The following CDCA4 variants were observed in gnomAD, a reference collection of about 807,000 sequenced individuals.
The protein encoded by CDCA4 is cell division cycle associated 4.
For missense variants in CDCA4, 294 were observed against 322.1 expected (o/e 0.91, Z 0.67); for synonymous variants, 130 against 137.0 (o/e 0.95, Z 0.36).
chr14:105,011,092 T>C lies in CDCA4; in HGVS notation c.*112A>G, dbSNP rs1900485419. The C allele has an allele frequency of 7.8e-7, 1 of 1,281,714 alleles. No homozygotes were observed. Among genetic ancestry groups the C allele is most frequent in the East Asian group, 2.5e-5 (1 of 39,682 alleles). The allele number at this position is 1,281,714 out of a possible 1,614,324, so 79.4% of individuals were successfully genotyped here. On this transcript the variant is annotated 3_prime_UTR_variant, in exon 2 of 2. Transcript: ENST00000336219. ...TGGGCTGTTCTGGGATTTCTCAGAA[T>C]CAGCAGACAGGGCAGCAAGGCTGGG...
chr14:105,011,723 G>T lies in CDCA4; in HGVS notation c.207C>A (p.Ile69=), dbSNP rs1436701594. Residue 69 remains isoleucine, a synonymous_variant, in exon 2 of 2, where the codon ATC becomes ATA. Transcript: ENST00000336219. ...SVLIANTVRQ[I]QEEMTQDGTW... Reference sequence around the variant, plus strand: ...TCCCATCCTGCGTCATCTCCTCTTGGATCTGCCGGACCGTGTTGGCAATGA... The same window carrying T: ...TCCCATCCTGCGTCATCTCCTCTTGTATCTGCCGGACCGTGTTGGCAATGA... 1 of 1,613,678 alleles carries T rather than the reference G, an allele frequency of 6.2e-7. No individual in the cohort carries two copies. Among genetic ancestry groups the T allele is most frequent in the Admixed American group, 1.7e-5 (1 of 60,012 alleles).
intron 1 of CDCA4, among the ~76,000 whole-genome samples, chr14:105,012,595 T>C (rs1291167268): frequency 6.6e-6 from 1 of 152,228 alleles, no homozygotes; most frequent in African/African-American, 2.4e-5. Flanking sequence ...GCTCATCCCA[T>C]GCAGCGAGTG....
Position 105,011,085 on chromosome 14 carries a change from C to T in CDCA4, c.*119G>A. 2 of 1,248,930 alleles carry T rather than the reference C, an allele frequency of 1.6e-6. No individual in the cohort carries two copies. Among genetic ancestry groups the T allele is most frequent in the Non-Finnish European group, 2.2e-6 (2 of 922,090 alleles). The allele number at this position is 1,248,930 out of a possible 1,614,324, so 77.4% of individuals were successfully genotyped here. On this transcript the variant is annotated 3_prime_UTR_variant, in exon 2 of 2. Coordinates refer to ENST00000336219, the MANE Select transcript of CDCA4 (RefSeq NM_017955.4). ...CTGGTAATGGGCTGTTCTGGGATTT[C>T]TCAGAATCAGCAGACAGGGCAGCAA...
Position 105,011,324 on chromosome 14 carries a change from G to T in CDCA4, c.606C>A (p.Ala202=), listed in dbSNP as rs573618920. Residue 202 remains alanine (A), a synonymous_variant, in exon 2 of 2, where the codon GCC becomes GCA. Coordinates refer to ENST00000336219, the MANE Select transcript of CDCA4 (RefSeq NM_017955.4). ...DTVLTGMMGG[A]RPGPCEGLEG... The stretch of plus-strand genomic sequence containing the variant: ...CGAGCCCTTCGCAGGGGCCCGGCCT[G>T]GCACCCCCCATCATGCCTGTCAGTA... 27 of 1,614,154 alleles carry T rather than the reference G, an allele frequency of 1.7e-5. 1 individual carries two copies. The South Asian group carries it at 2.5e-4, about 15-fold the overall frequency.
rs757989283 is a variant in CDCA4, at chr14:105,011,286, G to A, written c.644C>T (p.Pro215Leu). Reference protein sequence around the residue: ...GPCEGLEGLAPATPGPSSSCK... With the variant: ...GPCEGLEGLALATPGPSSSCK... Reference sequence around the variant, plus strand: ...GCTGGAGCTAGGGCCTGGGGTGGCCGGAGCCAAGCCCTCGAGCCCTTCGCA... The same window carrying A: ...GCTGGAGCTAGGGCCTGGGGTGGCCAGAGCCAAGCCCTCGAGCCCTTCGCA... Residue 215 changes from proline (P) to leucine (L), a missense_variant, in exon 2 of 2, where the codon CCG becomes CTG. Transcript: ENST00000336219. 16 of 1,613,684 alleles carry A rather than the reference G, an allele frequency of 9.9e-6. No individual in the cohort carries two copies. Among genetic ancestry groups the A allele is most frequent in the East Asian group, 4.5e-5 (2 of 44,866 alleles).
chr14:105,016,190 T>C (rs1194807836), intron 1 of CDCA4, among the ~76,000 whole-genome samples: 3 of 152,148 alleles, frequency 2.0e-5, no homozygotes, highest in South Asian at 2.1e-4. Flanking sequence ...CCATAGACAA[T>C]CTGGAAGAGC....
chr14:105,020,068 A>G (rs767488388), intron 1 of CDCA4, among the ~76,000 whole-genome samples: 1 of 152,138 alleles, frequency 6.6e-6, no homozygotes, highest in South Asian at 2.1e-4. Flanking sequence ...CCCTGAAAAC[A>G]TGTTCCAGTG....
intron 1 of CDCA4, among the ~76,000 whole-genome samples, chr14:105,018,444 A>T (rs4073652): frequency 1.3e-5 from 2 of 152,088 alleles, no homozygotes; most frequent in Non-Finnish European, 2.9e-5. Context: ...TTTTACAGTC[A>T]CGTGACCCCA....
Position 105,011,559 on chromosome 14 carries a change from C to A in CDCA4, c.371G>T (p.Gly124Val). 2 of 1,614,028 alleles carry A rather than the reference C, an allele frequency of 1.2e-6. No individual in the cohort carries two copies. The highest frequency in any genetic ancestry group is 1.7e-6 in the Non-Finnish European group (2 of 1,179,974). ...GACTGGGCAAAGGTCAGAAACTGGACCCTGTGTGTGGCCGTCCCCCAAGCC... is the reference window on the plus strand; with the variant it reads ...GACTGGGCAAAGGTCAGAAACTGGAACCTGTGTGTGGCCGTCCCCCAAGCC... ...APGLGDGHTQ[G>V]PVSDLCPVTS... is the part of the protein sequence containing the mutation. The change falls in exon 2 of 2, where the codon GGT becomes GTT. Residue 124 changes from glycine (G) to valine (V), a missense_variant. Transcript: ENST00000336219.
Position 105,011,806 on chromosome 14 carries a change from G to A in CDCA4, c.124C>T (p.Leu42=). The A allele has an allele frequency of 3.1e-6, 5 of 1,613,834 alleles. No individual in the cohort carries two copies. The highest frequency in any genetic ancestry group is 2.2e-5 in the East Asian group (1 of 44,894). ...ATGTGGCAAAGCTGCAACTTCACCA[G>A]AGACATGTCCAGGAGCGACTGCCGC... ...LQRQSLLDMS[L]VKLQLCHMLV... is the part of the protein sequence containing the mutation. The change falls in exon 2 of 2, where the codon CTG becomes TTG. Residue 42 remains leucine (L), a synonymous_variant. Transcript: ENST00000336219.
chr14:105,010,929 G>A lies in CDCA4; in HGVS notation c.*275C>T. ...GCTGCGGCTCACCGTCCTCTACAGT[G>A]GGGGACACAAAGAGACACGAGGGGC... On this transcript the variant is annotated 3_prime_UTR_variant, in exon 2 of 2. Coordinates refer to ENST00000336219, the MANE Select transcript of CDCA4 (RefSeq NM_017955.4). 1 of 510,266 alleles carries A rather than the reference G, an allele frequency of 2.0e-6. No individual in the cohort carries two copies. Among genetic ancestry groups the A allele is most frequent in the Non-Finnish European group, 3.5e-6 (1 of 288,992 alleles). 31.6% of individuals were successfully genotyped at this position (510,266 alleles called of 1,614,324 possible).
rs1900461726 is a variant in CDCA4, at chr14:105,010,245, CAG to C, written c.*957_*958del. On this transcript the variant is annotated 3_prime_UTR_variant, in exon 2 of 2. Coordinates refer to ENST00000336219, the MANE Select transcript of CDCA4 (RefSeq NM_017955.4). ...ACCTTTTGTTTCAGCACCAGTCTAACAGAGCAGCGCAGGCGTTTCTCATCCAG... is the reference window on the plus strand; with the variant it reads ...ACCTTTTGTTTCAGCACCAGTCTAACAGCAGCGCAGGCGTTTCTCATCCAG... 1 of 152,678 alleles carries C rather than the reference CAG, an allele frequency of 6.5e-6. No homozygotes were observed. The highest frequency in any genetic ancestry group is 1.5e-5 in the Non-Finnish European group (1 of 68,062). 9.5% of individuals were successfully genotyped at this position (152,678 alleles called of 1,614,324 possible).
intron 1 of CDCA4, among the ~76,000 whole-genome samples, chr14:105,020,686 G>C (rs1452311322): frequency 1.3e-5 from 2 of 152,274 alleles, no homozygotes; most frequent in East Asian, 3.9e-4. Flanking sequence ...CTCGTGAAGC[G>C]GCTCCCGCGT....
intron 1 of CDCA4, 108 bp from the exon 2 acceptor site, chr14:105,012,043 C>T (rs989956346): frequency 1.3e-5 from 17 of 1,308,050 alleles, no homozygotes; most frequent in African/African-American, 4.4e-5. Flanking sequence ...GCAGCGACTC[C>T]GTAACTGGCA....
chr14:105,013,616 CA>C (rs1475389404), intron 1 of CDCA4, among the ~76,000 whole-genome samples: 2 of 152,078 alleles, frequency 1.3e-5, no homozygotes, highest in African/African-American at 4.8e-5. Flanking sequence ...GTCTGGAGAC[CA>C]AGGATGGGAA....
intron 1 of CDCA4, among the ~76,000 whole-genome samples, chr14:105,016,523 C>T (rs778068851): frequency 7.2e-5 from 11 of 152,222 alleles, no homozygotes; most frequent in Non-Finnish European, 1.3e-4. Flanking sequence ...AACTTTCTCC[C>T]GCACTATTTC....
rs1451757564 is a variant in CDCA4, at chr14:105,009,675, T to C, written c.*1529A>G. The C allele has an allele frequency of 1.3e-5, 2 of 152,194 alleles. No homozygotes were observed. Among genetic ancestry groups the C allele is most frequent in the Non-Finnish European group, 2.9e-5 (2 of 68,034 alleles). 9.4% of individuals were successfully genotyped at this position (152,194 alleles called of 1,614,324 possible). ...CACATACCCTTTAAACTAGGGTCCA[T>C]GAGGATTAACTTTCGACATCGGGGG... On this transcript the variant is annotated 3_prime_UTR_variant, in exon 2 of 2. Coordinates refer to ENST00000336219, the MANE Select transcript of CDCA4 (RefSeq NM_017955.4).
chr14:105,010,009 A>G lies in CDCA4; in HGVS notation c.*1195T>C, dbSNP rs1197025260. 6.6e-6 allele frequency: 1 copy of G among 152,362 alleles called. No homozygotes were observed. Among genetic ancestry groups the G allele is most frequent in the Non-Finnish European group, 1.5e-5 (1 of 68,030 alleles). 9.4% of individuals were successfully genotyped at this position (152,362 alleles called of 1,614,324 possible). A position where few individuals can be genotyped will look rare whatever the true frequency, so the allele number is the denominator to read the frequency against. ...TATTTAAGAATGGCTATATGCACAA[A>G]AGAAAACACACCTTTTTGGTTAAGG... On this transcript the variant is annotated 3_prime_UTR_variant, in exon 2 of 2. Transcript: ENST00000336219.
Position 105,020,991 on chromosome 14 carries a change from C to A in CDCA4, c.-7+8G>T, listed in dbSNP as rs1201596122. On this transcript the variant is annotated splice_region_variant and intron_variant, in intron 1 of 1. Transcript: ENST00000336219. ...TAGACGCCCTAGCGGTCCGCCGGGCCCGCTCACCTGACCCGCGAGGCCGCC... is the reference window on the plus strand; with the variant it reads ...TAGACGCCCTAGCGGTCCGCCGGGCACGCTCACCTGACCCGCGAGGCCGCC... 2.0e-5 allele frequency: 3 copies of A among 152,344 alleles called. No individual in the cohort carries two copies. In the East Asian group the frequency reaches 5.8e-4, roughly 30 times the overall value. The allele number at this position is 152,344 out of a possible 1,614,324, so 9.4% of individuals were successfully genotyped here. A position where few individuals can be genotyped will look rare whatever the true frequency, so the allele number is the denominator to read the frequency against.
Sources: gnomAD v4.1 joint callset for allele counts (sites outside exome capture counted in the v4.1 genomes callset) on GRCh38, gnomAD v4.1.1 for gene constraint, MANE v1.5 for transcripts, NCBI Gene and HGNC (gene_info 2026-07-23, HGNC 2026-07-21) for gene names.